FIRRM: variants seen among roughly 807,000 people sequenced by gnomAD.
FIRRM encodes FIGNL1-interacting regulator of recombination and mitosis.
chr1:169,795,076 T>A, the FIRRM span: 2 of 1,521,732 alleles, frequency 1.3e-6, no homozygotes, highest in Admixed American at 2.0e-5. Context: ...GCGGGTCTGG[T>A]TTGAAGCTCT....
At chr1:169,811,775 A>AGGT in the FIRRM span, among the ~76,000 whole-genome samples, 1 of 151,598 alleles carries the variant, frequency 6.6e-6, no homozygotes, top group Non-Finnish European at 1.5e-5. Flanking sequence ...CAGATTATCT[A>AGGT]AATAGATAAT....
At chr1:169,793,696 CCTCT>C in the FIRRM span, 1 of 1,571,722 alleles carries the variant, frequency 6.4e-7, no homozygotes, top group Non-Finnish European at 8.6e-7. Flanking sequence ...GAAAGGTCAT[CCTCT>C]TATTAAATGC....
chr1:169,812,338 T>C, the FIRRM span, among the ~76,000 whole-genome samples: 2 of 152,092 alleles, frequency 1.3e-5, no homozygotes, highest in Non-Finnish European at 1.5e-5. Context: ...CAACTTAGAG[T>C]CTAGCCTGAG....
At chr1:169,831,902 A>G in the FIRRM span, among the ~76,000 whole-genome samples, 1 of 152,172 alleles carries the variant, frequency 6.6e-6, no homozygotes, top group Non-Finnish European at 1.5e-5. Context: ...GACTACAGGC[A>G]TGCGCCACTA....
chr1:169,854,010 C>A, the FIRRM span: 1 of 585,050 alleles, frequency 1.7e-6, no homozygotes, highest in Non-Finnish European at 2.9e-6. Flanking sequence ...GTGTGGATGA[C>A]ACCAAATCCT....
At chr1:169,784,988 T>C in the FIRRM span, 1 of 152,232 alleles carries the variant, frequency 6.6e-6, no homozygotes, top group Non-Finnish European at 1.5e-5. Context: ...CTGTTTAGTC[T>C]GCCAGTATTG....
At chr1:169,844,388 C>G in the FIRRM span, among the ~76,000 whole-genome samples, 1 of 152,172 alleles carries the variant, frequency 6.6e-6, no homozygotes, top group African/African-American at 2.4e-5. Context: ...TGAGTCCATA[C>G]TAGACAGAAT....
chr1:169,811,916 C>T, the FIRRM span, among the ~76,000 whole-genome samples: 1 of 147,876 alleles, frequency 6.8e-6, no homozygotes, highest in African/African-American at 2.5e-5. Flanking sequence ...GAGTGAGAGC[C>T]TGTCTAGATA....
chr1:169,830,109 C>T, the FIRRM span: 4 of 624,870 alleles, frequency 6.4e-6, no homozygotes, highest in South Asian at 2.2e-5. Context: ...TGGCAGTGTC[C>T]TTTCAGATAC....
At chr1:169,850,202 T>C in the FIRRM span, 2 of 1,092,452 alleles carry the variant, frequency 1.8e-6, no homozygotes, top group Non-Finnish European at 2.8e-6. Context: ...ATAAAACTCA[T>C]CTATTTGTCT....
chr1:169,853,789 C>T, the FIRRM span: 1 of 1,613,570 alleles, frequency 6.2e-7, no homozygotes, highest in Non-Finnish European at 8.5e-7. Flanking sequence ...CAAAATAAAG[C>T]ACACCAAGAA....
At chr1:169,838,871 GA>G in the FIRRM span, among the ~76,000 whole-genome samples, 4 of 152,118 alleles carry the variant, frequency 2.6e-5, no homozygotes, top group African/African-American at 7.2e-5. Flanking sequence ...TTTGGGATAT[GA>G]ATGATTTCAT....
chr1:169,808,608 G>GTTT, the FIRRM span, among the ~76,000 whole-genome samples: 41 of 142,382 alleles, frequency 2.9e-4, 1 homozygote, highest in Admixed American at 9.1e-4. Flanking sequence ...TATGTCATTT[G>GTTT]TTTTTTTTTT....
the FIRRM span, chr1:169,827,312 A>T: frequency 1.1e-6 from 1 of 925,756 alleles, no homozygotes; most frequent in Non-Finnish European, 1.6e-6. Flanking sequence ...AGTTTCTTTT[A>T]CTTTCTTTTC....
chr1:169,812,854 C>T, the FIRRM span, among the ~76,000 whole-genome samples: 1 of 147,446 alleles, frequency 6.8e-6, no homozygotes, highest in Non-Finnish European at 1.5e-5. Flanking sequence ...GAGACTCCAT[C>T]TCAAAAAAAA....
chr1:169,802,131 T>C, the FIRRM span, among the ~76,000 whole-genome samples: 1 of 152,210 alleles, frequency 6.6e-6, no homozygotes, highest in East Asian at 1.9e-4. Flanking sequence ...TGTAAGGTCA[T>C]TTACTATACC....
At chr1:169,800,382 A>G in the FIRRM span, among the ~76,000 whole-genome samples, 2 of 152,100 alleles carry the variant, frequency 1.3e-5, no homozygotes, top group African/African-American at 2.4e-5. Context: ...TATCTTGAGT[A>G]TAGAAGTGAT....
the FIRRM span, among the ~76,000 whole-genome samples, chr1:169,835,637 T>C: frequency 6.6e-6 from 1 of 152,350 alleles, no homozygotes; most frequent in African/African-American, 2.4e-5. Flanking sequence ...TAGAATTGTG[T>C]TGAAACCAGG....
chr1:169,787,871 A>G, the FIRRM span, among the ~76,000 whole-genome samples: 1 of 111,558 alleles, frequency 9.0e-6, no homozygotes, highest in Non-Finnish European at 2.1e-5. Flanking sequence ...TGTATGTTAC[A>G]TAGTTTTTTT....
Sources: allele counts gnomAD v4.1 joint callset (sites outside exome capture counted in the v4.1 genomes callset), GRCh38; gene constraint gnomAD v4.1.1; transcripts MANE v1.5; gene names NCBI Gene and HGNC (gene_info 2026-07-23, HGNC 2026-07-21).